LIPC: variants seen among roughly 807,000 people sequenced by gnomAD.
The protein encoded by LIPC is lipase C, hepatic type, also known as hepatic triacylglycerol lipase.
A neutral mutation model predicts 50.7 loss-of-function variants in LIPC; 44 were observed. That is an observed-to-expected ratio of 0.87 (90% CI 0.68 to 1.11). The LOEUF (loss-of-function observed/expected upper bound fraction) is 1.11. LIPC is among the 50% of genes most tolerant of loss of function. The pLI is 0.00. For missense variants in LIPC, 697 were observed against 648.2 expected, an observed-to-expected ratio of 1.08 and a Z score of -0.82; for synonymous variants, 271 against 256.4, an observed-to-expected ratio of 1.06 and a Z score of -0.54.
intron 1 of LIPC, among the ~76,000 whole-genome samples, chr15:58,467,021 C>T (rs1357945919): frequency 6.6e-6 from 1 of 152,138 alleles, no homozygotes; most frequent in African/African-American, 2.4e-5. Context: ...ATACAGCATT[C>T]CTACTTATAT....
chr15:58,547,129 C>T (rs1893558790), intron 5 of LIPC, among the ~76,000 whole-genome samples: 1 of 152,168 alleles, frequency 6.6e-6, no homozygotes, highest in Admixed American at 6.5e-5. Context: ...TGCTAAACTT[C>T]AAAGTGACGG....
chr15:58,553,214 C>T (rs1437183424), intron 6 of LIPC, among the ~76,000 whole-genome samples: 1 of 152,160 alleles, frequency 6.6e-6, no homozygotes, highest in Non-Finnish European at 1.5e-5. Flanking sequence ...GAGCTGGCAA[C>T]AGGACGCCAG....
chr15:58,499,556 C>T (rs1479397339), intron 1 of LIPC, among the ~76,000 whole-genome samples: 1 of 152,176 alleles, frequency 6.6e-6, no homozygotes, highest in African/African-American at 2.4e-5. Context: ...CCCATTTCTT[C>T]CTTAGAAACT....
chr15:58,476,671 A>C (rs1215301262), intron 1 of LIPC, among the ~76,000 whole-genome samples: 1 of 152,216 alleles, frequency 6.6e-6, no homozygotes, highest in Non-Finnish European at 1.5e-5. Context: ...TGAGGTGTGC[A>C]GCTGGACCCC....
chr15:58,511,169 A>C (rs1383671227), intron 1 of LIPC, among the ~76,000 whole-genome samples: 1 of 152,210 alleles, frequency 6.6e-6, no homozygotes, highest in South Asian at 2.1e-4. Flanking sequence ...ATGGTACAAA[A>C]TACGAATTAA....
intron 1 of LIPC, among the ~76,000 whole-genome samples, chr15:58,515,788 G>A (rs889173002): frequency 6.6e-6 from 1 of 152,072 alleles, no homozygotes; most frequent in Non-Finnish European, 1.5e-5. Flanking sequence ...AGAAATGTAG[G>A]GGTCAAGGGT....
intron 1 of LIPC, among the ~76,000 whole-genome samples, chr15:58,461,311 A>T (rs1000305577): frequency 7.2e-5 from 11 of 152,194 alleles, no homozygotes; most frequent in Admixed American, 5.2e-4. Flanking sequence ...ATAGATAAGG[A>T]AACTGAAGTT....
intron 1 of LIPC, among the ~76,000 whole-genome samples, chr15:58,510,677 A>G (rs910761505): frequency 2.6e-5 from 4 of 152,274 alleles, no homozygotes; most frequent in Admixed American, 2.6e-4. Flanking sequence ...ACTGTGACCA[A>G]TTCACATAAG....
In LIPC at chr15:58,519,252, C is replaced by CA. The variant is rs1475073285; in HGVS notation, c.89-19072dup. Reference sequence around the variant, plus strand: ...TGAAACCCTTTCTCTACTAAAAATACAAAAAAAAATTAGCCGAGCGTGGTG... The same window carrying CA: ...TGAAACCCTTTCTCTACTAAAAATACAAAAAAAAAATTAGCCGAGCGTGGTG... On this transcript the variant is annotated intron_variant, in intron 1 of 8. Transcript: ENST00000299022. Among the ~76,000 whole-genome samples the CA allele has an allele frequency of 2.5e-4, 38 of 150,632 alleles. No homozygotes were observed. In the East Asian group the frequency reaches 3.7e-3, roughly 15 times the overall value.
At chr15:58,464,954 C>T (rs759148621) in intron 1 of LIPC, among the ~76,000 whole-genome samples, 5 of 152,134 alleles carry the variant, frequency 3.3e-5, no homozygotes, top group Admixed American at 3.3e-4. Flanking sequence ...GCCTGGGCAA[C>T]AGAGTGAGAC....
chr15:58,541,488 G>T lies in LIPC; in HGVS notation c.274-297G>T, dbSNP rs182842036. ...AACATTAAGATAATTGTTCTCGGGA[G>T]GGGGCGGGGGGGAACGTTTGGAAAA... On this transcript the variant is annotated intron_variant, in intron 2 of 8. Coordinates refer to ENST00000299022, the MANE Select transcript of LIPC (RefSeq NM_000236.3). Among the ~76,000 whole-genome samples, 4 of 152,084 alleles carry T rather than the reference G, an allele frequency of 2.6e-5. No individual in the cohort carries two copies. The South Asian group carries it at 8.3e-4, about 32-fold the overall frequency.
chr15:58,471,881 G>A (rs1414114119), intron 1 of LIPC, among the ~76,000 whole-genome samples: 4 of 152,008 alleles, frequency 2.6e-5, no homozygotes, highest in African/African-American at 7.3e-5. Flanking sequence ...TGACCCTTGG[G>A]CTCCCCAGTG....
chr15:58,546,258 A>G, intron 5 of LIPC, among the ~76,000 whole-genome samples: 1 of 152,204 alleles, frequency 6.6e-6, no homozygotes, highest in African/African-American at 2.4e-5. Flanking sequence ...CCATGTGCCC[A>G]GGCAAACCCT....
intron 1 of LIPC, among the ~76,000 whole-genome samples, chr15:58,509,981 AAAG>A (rs1892282039): frequency 1.3e-5 from 2 of 152,182 alleles, no homozygotes; most frequent in Non-Finnish European, 1.5e-5. Context: ...GAGTTTAGAA[AAAG>A]AAGAAGCTAT....
At chr15:58,451,851 C>A (rs922787967) in intron 1 of LIPC, among the ~76,000 whole-genome samples, 1 of 152,142 alleles carries the variant, frequency 6.6e-6, no homozygotes, top group Non-Finnish European at 1.5e-5. Context: ...CCTTGCTCCC[C>A]GCTAGAAGGT....
chr15:58,566,532 C>T (rs1175861700), intron 8 of LIPC: 55 of 820,938 alleles, frequency 6.7e-5, no homozygotes, highest in Middle Eastern at 1.2e-3. Flanking sequence ...GGGATGGGAA[C>T]ATTAAACTCT....
chr15:58,527,933 C>T (rs990500051), intron 1 of LIPC, among the ~76,000 whole-genome samples: 1 of 152,098 alleles, frequency 6.6e-6, no homozygotes, highest in Admixed American at 6.5e-5. Context: ...CCCATTTTCT[C>T]ATCAGGCAGC....
chr15:58,458,453 A>G (rs1289850435), intron 1 of LIPC, among the ~76,000 whole-genome samples: 1 of 152,224 alleles, frequency 6.6e-6, no homozygotes, highest in East Asian at 1.9e-4. Context: ...TGCTGCTGTT[A>G]TAATAGCAGG....
chr15:58,457,266 C>T (rs1184168073), intron 1 of LIPC, among the ~76,000 whole-genome samples: 10 of 152,156 alleles, frequency 6.6e-5, no homozygotes, highest in African/African-American at 1.7e-4. Context: ...GGCACCACCA[C>T]GCCTGGCTAA....
Sources: gnomAD v4.1 joint callset for allele counts (sites outside exome capture counted in the v4.1 genomes callset) on GRCh38, gnomAD v4.1.1 for gene constraint, MANE v1.5 for transcripts, NCBI Gene and HGNC (gene_info 2026-07-23, HGNC 2026-07-21) for gene names.